RSU1: variants seen among roughly 807,000 people sequenced by gnomAD.
RSU1 encodes the protein Ras suppressor protein 1.
RSU1 carries 26 observed loss-of-function variants against 31.1 expected under a neutral mutation model. That is an observed-to-expected ratio of 0.84 (90% CI 0.61 to 1.16). The LOEUF (loss-of-function observed/expected upper bound fraction) is 1.16, where lower values mean the gene tolerates loss of function less well. Among genes scored for constraint, RSU1 ranks in the 50% most tolerant of loss-of-function variants. RSU1 has a pLI of 0.00. For synonymous variants in RSU1, 164 were observed against 136.3 expected (o/e 1.20, Z -1.41); for missense variants, 320 against 339.1 (o/e 0.94, Z 0.44).
chr10:16,707,315 T>A (rs1187385334), intron 7 of RSU1, among the ~76,000 whole-genome samples: 2 of 152,190 alleles, frequency 1.3e-5, no homozygotes, highest in African/African-American at 4.8e-5. Context: ...AGGATCTCCA[T>A]ACTCTTTTCC....
intron 8 of RSU1, among the ~76,000 whole-genome samples, chr10:16,662,171 T>G (rs182938074): frequency 1.3e-5 from 2 of 152,340 alleles, no homozygotes; most frequent in Admixed American, 1.3e-4. Context: ...CAAAATTCAT[T>G]CTGTAACACC....
intron 2 of RSU1, among the ~76,000 whole-genome samples, chr10:16,810,919 G>A (rs1348660837): frequency 6.6e-6 from 1 of 152,044 alleles, no homozygotes; most frequent in Non-Finnish European, 1.5e-5. Context: ...CTACTTGGGA[G>A]GCTGAGGTGG....
intron 2 of RSU1, among the ~76,000 whole-genome samples, chr10:16,805,240 G>A (rs1838241466): frequency 6.6e-6 from 1 of 151,946 alleles, no homozygotes; most frequent in Non-Finnish European, 1.5e-5. Flanking sequence ...CATCAATATT[G>A]GTCCAGCAAT....
chr10:16,687,002 G>T lies in RSU1; in HGVS notation c.731+8021C>A, dbSNP rs536287431. Among the ~76,000 whole-genome samples the T allele has an allele frequency of 9.2e-5, 14 of 152,306 alleles. No individual in the cohort carries two copies. In the East Asian group the frequency reaches 1.5e-3, roughly 17 times the overall value. On this transcript the variant is annotated intron_variant, in intron 8 of 8. Coordinates refer to ENST00000345264, the MANE Select transcript of RSU1 (RefSeq NM_012425.4). ...CACTGGTCAAACCTGAGCCTACCAG[G>T]TCCCAGTCAGAGCTCCCAGGCAAGC...
intron 7 of RSU1, among the ~76,000 whole-genome samples, chr10:16,750,657 T>C (rs1433965484): frequency 6.6e-6 from 1 of 152,122 alleles, no homozygotes; most frequent in East Asian, 1.9e-4. Flanking sequence ...CACATTTATT[T>C]TTCCGTTTCT....
intron 2 of RSU1, among the ~76,000 whole-genome samples, chr10:16,814,906 C>A (rs568241001): frequency 3.3e-5 from 5 of 152,358 alleles, no homozygotes; most frequent in Admixed American, 1.3e-4. Context: ...CTAAGCCATT[C>A]TCCCCATTTA....
chr10:16,803,505 T>A (rs1838201708), intron 2 of RSU1, among the ~76,000 whole-genome samples: 1 of 152,138 alleles, frequency 6.6e-6, no homozygotes, highest in Non-Finnish European at 1.5e-5. Flanking sequence ...TCCTAAAATT[T>A]ACATGGAAAG....
intron 8 of RSU1, among the ~76,000 whole-genome samples, chr10:16,614,017 A>T (rs1458580776): frequency 2.0e-5 from 3 of 152,200 alleles, no homozygotes; most frequent in African/African-American, 7.2e-5. Flanking sequence ...GGGCAATAGC[A>T]TTAACGCCAG....
chr10:16,799,950 G>C (rs894902972), intron 2 of RSU1, among the ~76,000 whole-genome samples: 1 of 152,080 alleles, frequency 6.6e-6, no homozygotes, highest in Admixed American at 6.6e-5. Context: ...CCCTTTTCCC[G>C]ATGCCTTCTC....
intron 7 of RSU1, chr10:16,723,271 A>G (rs1836320439): frequency 6.6e-6 from 1 of 152,102 alleles, no homozygotes; most frequent in Non-Finnish European, 1.5e-5. Context: ...ATAAGATCCA[A>G]CGTTTTTTCA....
At chr10:16,776,153 A>T (rs1415963685) in intron 3 of RSU1, among the ~76,000 whole-genome samples, 3 of 152,230 alleles carry the variant, frequency 2.0e-5, no homozygotes, top group Admixed American at 1.3e-4. Context: ...ATTCTTCTCA[A>T]TCATCCCAGC....
At chr10:16,671,115 T>C (rs1835097675) in intron 8 of RSU1, among the ~76,000 whole-genome samples, 1 of 152,102 alleles carries the variant, frequency 6.6e-6, no homozygotes, top group African/African-American at 2.4e-5. Context: ...AACCTTGTGG[T>C]AGAACAATTT....
chr10:16,784,706 G>C (rs1313276789), intron 2 of RSU1, among the ~76,000 whole-genome samples: 1 of 152,230 alleles, frequency 6.6e-6, no homozygotes, highest in African/African-American at 2.4e-5. Context: ...CAGCAAGTAA[G>C]AGAGCGTATG....
chr10:16,725,205 G>C (rs1393301435), intron 7 of RSU1, among the ~76,000 whole-genome samples: 1 of 152,170 alleles, frequency 6.6e-6, no homozygotes, highest in African/African-American at 2.4e-5. Context: ...GGAGAAGAGA[G>C]AGAGAATATG....
At chr10:16,607,218 C>A (rs1214075254) in intron 8 of RSU1, among the ~76,000 whole-genome samples, 1 of 152,138 alleles carries the variant, frequency 6.6e-6, no homozygotes, top group African/African-American at 2.4e-5. Context: ...GCCTCCTTTG[C>A]CTTCCACCAT....
At position 16,645,877 on chromosome 10, in the gene RSU1, T is replaced by TCCCACCCCTTCTGA. The variant is rs1564298128; in HGVS notation, c.731+49145_731+49146insTCAGAAGGGGTGGG. ...AAATATATACGTATATATACATATA[T>TCCCACCCCTTCTGA]GTGTATATACATATATGTATATACA... On this transcript the variant is annotated intron_variant, in intron 8 of 8. Transcript: ENST00000345264. 2.1e-4 allele frequency among the ~76,000 whole-genome samples: 23 copies of TCCCACCCCTTCTGA among 108,070 alleles called. 2 individuals are homozygous for TCCCACCCCTTCTGA. Among genetic ancestry groups the TCCCACCCCTTCTGA allele is most frequent in the African/African-American group, 1.2e-3 (22 of 18,678 alleles). The allele number at this position is 108,070 out of a possible 152,430, so 70.9% of individuals were successfully genotyped here.
intron 3 of RSU1, among the ~76,000 whole-genome samples, chr10:16,775,790 T>C (rs934173025): frequency 2.0e-5 from 3 of 152,326 alleles, no homozygotes; most frequent in East Asian, 1.9e-4. Context: ...AAAGATACTA[T>C]GCATATTTTT....
At chr10:16,706,542 T>C (rs922110375) in intron 7 of RSU1, among the ~76,000 whole-genome samples, 1 of 152,210 alleles carries the variant, frequency 6.6e-6, no homozygotes, top group African/African-American at 2.4e-5. Context: ...TTTTCTCTCA[T>C]TCCGTGGGTG....
At chr10:16,733,688 G>GT (rs1180936286) in intron 7 of RSU1, among the ~76,000 whole-genome samples, 1 of 152,166 alleles carries the variant, frequency 6.6e-6, no homozygotes, top group Non-Finnish European at 1.5e-5. Flanking sequence ...TGTGAAAGAA[G>GT]TAGGTGAACA....
Sources: gnomAD v4.1 joint callset for allele counts (sites outside exome capture counted in the v4.1 genomes callset) on GRCh38, gnomAD v4.1.1 for gene constraint, MANE v1.5 for transcripts, NCBI Gene and HGNC (gene_info 2026-07-23, HGNC 2026-07-21) for gene names.